The following ARHGAP10 variants were observed in gnomAD, a reference collection of about 807,000 sequenced individuals.
ARHGAP10 encodes rho GTPase-activating protein 10.
Under a neutral mutation model 108.6 loss-of-function variants are expected in ARHGAP10, and 87 were observed. The ratio of observed to expected loss-of-function variants is 0.80; its 90% confidence interval spans 0.67 to 0.96. The LOEUF is 0.96. Ranked by LOEUF, ARHGAP10 falls within the 40% of genes least tolerant of loss-of-function variation. The pLI, the probability that ARHGAP10 is intolerant of heterozygous loss-of-function variation, is 0.00. For missense variants in ARHGAP10, 939 were observed against 954.5 expected, an observed-to-expected ratio of 0.98 and a Z score of 0.21; for synonymous variants, 347 against 341.1, an observed-to-expected ratio of 1.02 and a Z score of -0.19.
At chr4:148,035,592 T>C (rs1169532662) in intron 19 of ARHGAP10, among the ~76,000 whole-genome samples, 1 of 152,200 alleles carries the variant, frequency 6.6e-6, no homozygotes, top group Non-Finnish European at 1.5e-5. Context: ...AGAGGGAAAA[T>C]GAAACGGGAG....
chr4:147,774,098 G>A (rs1730187679), intron 1 of ARHGAP10, among the ~76,000 whole-genome samples: 1 of 152,180 alleles, frequency 6.6e-6, no homozygotes, highest in African/African-American at 2.4e-5. Context: ...TAAGATAGTT[G>A]TGATAATGAA....
At chr4:147,810,725 G>A (rs1394292205) in intron 1 of ARHGAP10, among the ~76,000 whole-genome samples, 1 of 152,166 alleles carries the variant, frequency 6.6e-6, no homozygotes, top group East Asian at 1.9e-4. Flanking sequence ...TATGGTGAGG[G>A]CAGTAGTCCA....
At chr4:147,780,196 A>G (rs1271663030) in intron 1 of ARHGAP10, among the ~76,000 whole-genome samples, 3 of 152,102 alleles carry the variant, frequency 2.0e-5, no homozygotes, top group Non-Finnish European at 4.4e-5. Flanking sequence ...TGATGGCTGC[A>G]CTCGTTTCAC....
intron 18 of ARHGAP10, among the ~76,000 whole-genome samples, chr4:147,972,348 C>T (rs1056286855): frequency 2.0e-5 from 3 of 151,994 alleles, no homozygotes; most frequent in East Asian, 1.9e-4. Context: ...ATAAAATTCC[C>T]ATTGCATAAA....
intron 1 of ARHGAP10, among the ~76,000 whole-genome samples, chr4:147,744,278 G>GA (rs1477447269): frequency 6.6e-6 from 1 of 150,994 alleles, no homozygotes; most frequent in Non-Finnish European, 1.5e-5. Flanking sequence ...CAAGTGCAGG[G>GA]AAAATGCATC....
chr4:147,735,999 G>A (rs1686225808), intron 1 of ARHGAP10, among the ~76,000 whole-genome samples: 1 of 152,040 alleles, frequency 6.6e-6, no homozygotes, highest in South Asian at 2.1e-4. Flanking sequence ...TTTACGTTAG[G>A]CAGTCTTGAG....
chr4:148,008,704 G>A (rs955865864), intron 18 of ARHGAP10, among the ~76,000 whole-genome samples: 10 of 152,234 alleles, frequency 6.6e-5, no homozygotes, highest in African/African-American at 2.4e-4. Context: ...ATGTAAGACT[G>A]AATTCTCAAA....
intron 18 of ARHGAP10, among the ~76,000 whole-genome samples, chr4:148,003,979 G>C (rs1302453348): frequency 6.6e-6 from 1 of 152,230 alleles, no homozygotes; most frequent in African/African-American, 2.4e-5. Context: ...TCTCCTTGAG[G>C]GGAGGAACTA....
intron 15 of ARHGAP10, among the ~76,000 whole-genome samples, chr4:147,948,664 A>G (rs1212743078): frequency 6.6e-6 from 1 of 152,116 alleles, no homozygotes; most frequent in East Asian, 1.9e-4. Context: ...TTATTTCAAG[A>G]ATGCATTGTA....
intron 15 of ARHGAP10, among the ~76,000 whole-genome samples, chr4:147,952,192 G>C (rs774426808): frequency 1.3e-5 from 2 of 151,994 alleles, no homozygotes; most frequent in Non-Finnish European, 2.9e-5. Flanking sequence ...TGTAACTTTC[G>C]GCTGTTGCAC....
chr4:147,799,560 C>G (rs1392377699), intron 1 of ARHGAP10, among the ~76,000 whole-genome samples: 1 of 152,130 alleles, frequency 6.6e-6, no homozygotes, highest in African/African-American at 2.4e-5. Context: ...TGTCTTTCCT[C>G]AAGTTCAGTG....
At chr4:147,914,710 C>G (rs957209224) in intron 13 of ARHGAP10, among the ~76,000 whole-genome samples, 3 of 152,034 alleles carry the variant, frequency 2.0e-5, no homozygotes, top group East Asian at 1.9e-4. Context: ...CTGTTTATTG[C>G]CTGGTAGTAT....
rs376331684 is a variant in ARHGAP10 at position 147,899,328 on chromosome 4, CGT to C, written c.1035-7295_1035-7294del. Among the ~76,000 whole-genome samples the C allele has an allele frequency of 1.4e-4, 21 of 150,224 alleles. 1 individual carries two copies. Among genetic ancestry groups the C allele is most frequent in the African/African-American group, 4.4e-4 (18 of 40,914 alleles). Reference sequence around the variant, plus strand: ...GCTGGGGTGTGTGTGTGTGTGCATGCGTGTGTGTGTGTGTGTCTGTGTCTGTG... The same window carrying C: ...GCTGGGGTGTGTGTGTGTGTGCATGCGTGTGTGTGTGTGTCTGTGTCTGTG... On this transcript the variant is annotated intron_variant, in intron 10 of 22. Transcript: ENST00000336498.
intron 16 of ARHGAP10, among the ~76,000 whole-genome samples, chr4:147,963,723 G>A (rs996610992): frequency 6.6e-6 from 1 of 152,166 alleles, no homozygotes; most frequent in Non-Finnish European, 1.5e-5. Context: ...AAATCAAGAC[G>A]TTGGGAGGGC....
intron 10 of ARHGAP10, among the ~76,000 whole-genome samples, chr4:147,886,358 C>T: frequency 6.6e-6 from 1 of 152,182 alleles, no homozygotes; most frequent in Non-Finnish European, 1.5e-5. Context: ...TACCGTACCT[C>T]AGCCATTCTC....
intron 18 of ARHGAP10, among the ~76,000 whole-genome samples, chr4:148,013,372 C>G (rs1741235671): frequency 6.6e-6 from 1 of 152,158 alleles, no homozygotes; most frequent in Non-Finnish European, 1.5e-5. Context: ...TCACACATTT[C>G]CTTTTGGAGA....
chr4:147,833,267 C>T (rs1030990030), intron 3 of ARHGAP10, among the ~76,000 whole-genome samples: 2 of 152,116 alleles, frequency 1.3e-5, no homozygotes, highest in Admixed American at 1.3e-4. Context: ...GGTCATAGGG[C>T]CAGTTTTCCC....
At chr4:147,962,178 G>T (rs538845389) in intron 16 of ARHGAP10, among the ~76,000 whole-genome samples, 2 of 152,340 alleles carry the variant, frequency 1.3e-5, no homozygotes, top group South Asian at 4.1e-4. Context: ...GTTTCTGTCT[G>T]TTGGTGGAAT....
At chr4:147,844,120 C>T (rs1331779052) in intron 3 of ARHGAP10, among the ~76,000 whole-genome samples, 1 of 152,184 alleles carries the variant, frequency 6.6e-6, no homozygotes, top group Admixed American at 6.5e-5. Flanking sequence ...TGTGTGCTCC[C>T]AGCTGCTTTC....
Sources: allele counts gnomAD v4.1 joint callset (sites outside exome capture counted in the v4.1 genomes callset), GRCh38; gene constraint gnomAD v4.1.1; transcripts MANE v1.5; gene names NCBI Gene and HGNC (gene_info 2026-07-23, HGNC 2026-07-21).